The following KHDRBS3 variants were observed in gnomAD, a reference collection of about 807,000 sequenced individuals.
KHDRBS3 encodes the protein KH domain-containing, RNA-binding, signal transduction-associated protein 3.
In KHDRBS3, 23 loss-of-function variants were observed where a neutral mutation model predicts 45.6. The ratio of observed to expected loss-of-function variants is 0.50; its 90% confidence interval spans 0.36 to 0.72. The LOEUF (loss-of-function observed/expected upper bound fraction) is 0.72, where lower values mean the gene tolerates loss of function less well. Ranked by LOEUF, KHDRBS3 falls within the 30% of genes least tolerant of loss-of-function variation. The pLI, the probability that KHDRBS3 is intolerant of heterozygous loss-of-function variation, is 0.00. For synonymous variants in KHDRBS3, 162 were observed against 156.5 expected, an observed-to-expected ratio of 1.04 and a Z score of -0.26; for missense variants, 352 against 424.8, an observed-to-expected ratio of 0.83 and a Z score of 1.51.
chr8:135,515,402 A>AAAAAAAAAATTCCTTGT (rs1824537754), intron 1 of KHDRBS3, among the ~76,000 whole-genome samples: 1 of 113,858 alleles, frequency 8.8e-6, no homozygotes. Flanking sequence ...AAAAAAAAAA[A>AAAAAAAAAATTCCTTGT]GATTCCCTGT....
At position 135,582,060 on chromosome 8, in the gene KHDRBS3, C is replaced by T. The variant is rs199983279; in HGVS notation, c.794C>T (p.Thr265Ile). The T allele has an allele frequency of 1.2e-5, 18 of 1,562,050 alleles. No individual in the cohort carries two copies. The highest frequency in any genetic ancestry group is 1.6e-5 in the Non-Finnish European group (18 of 1,149,110). ...RPPPPPPTQETYGEYDYDDGY... is the reference protein window; with the variant it reads ...RPPPPPPTQEIYGEYDYDDGY... ...CCACCGCCACCCCCGACACAAGAGA[C>T]TTATGGAGAATATGTAAGTGAAGGT... is the stretch of plus-strand genomic sequence containing the variant. The change falls in exon 6 of 9, where the codon ACT becomes ATT. Residue 265 changes from threonine (T) to isoleucine (I), a missense_variant. Coordinates refer to ENST00000355849, the MANE Select transcript of KHDRBS3 (RefSeq NM_006558.3).
At chr8:135,512,970 T>C (rs1347529665) in intron 1 of KHDRBS3, among the ~76,000 whole-genome samples, 1 of 152,032 alleles carries the variant, frequency 6.6e-6, no homozygotes, top group Non-Finnish European at 1.5e-5. Context: ...CCCAGCACTT[T>C]GGGAGGCCGA....
intron 7 of KHDRBS3, among the ~76,000 whole-genome samples, chr8:135,635,316 T>C (rs1321545353): frequency 6.6e-6 from 1 of 152,236 alleles, no homozygotes; most frequent in Non-Finnish European, 1.5e-5. Context: ...AGCAGCCCTT[T>C]CAAATAATAG....
chr8:135,482,642 C>T (rs935066328), intron 1 of KHDRBS3, among the ~76,000 whole-genome samples: 6 of 152,002 alleles, frequency 3.9e-5, no homozygotes, highest in African/African-American at 1.5e-4. Flanking sequence ...TGAGAGGTGG[C>T]ATTAGAGACT....
At chr8:135,513,499 C>G (rs1824413508) in intron 1 of KHDRBS3, among the ~76,000 whole-genome samples, 1 of 152,060 alleles carries the variant, frequency 6.6e-6, no homozygotes, top group African/African-American at 2.4e-5. Context: ...TAATTAAGTA[C>G]CATAGCAGGG....
chr8:135,583,905 G>A (rs972726592), intron 6 of KHDRBS3, among the ~76,000 whole-genome samples: 17 of 152,102 alleles, frequency 1.1e-4, no homozygotes, highest in Non-Finnish European at 2.9e-5. Context: ...AGACATTTGG[G>A]TTTGCTGCTT....
intron 1 of KHDRBS3, among the ~76,000 whole-genome samples, chr8:135,517,091 T>G (rs1824648760): frequency 6.6e-6 from 1 of 152,114 alleles, no homozygotes; most frequent in Non-Finnish European, 1.5e-5. Context: ...CAAAAAACAA[T>G]ACAGATATTA....
intron 6 of KHDRBS3, among the ~76,000 whole-genome samples, chr8:135,589,724 A>G (rs1184332119): frequency 6.6e-6 from 1 of 152,196 alleles, no homozygotes; most frequent in African/African-American, 2.4e-5. Flanking sequence ...TTAGGGAATG[A>G]ACTATGTCTT....
intron 6 of KHDRBS3, among the ~76,000 whole-genome samples, chr8:135,600,923 A>G (rs1470506085): frequency 1.3e-5 from 2 of 152,170 alleles, no homozygotes; most frequent in Non-Finnish European, 2.9e-5. Flanking sequence ...CTGGGTCTCA[A>G]ACTCCTGGGC....
intron 8 of KHDRBS3, 24 bp downstream of exon 8, chr8:135,645,141 G>A: frequency 6.2e-7 from 1 of 1,612,082 alleles, no homozygotes; most frequent in Non-Finnish European, 8.5e-7. Flanking sequence ...CAGAGCATGT[G>A]AAGAGAGGGA....
intron 5 of KHDRBS3, among the ~76,000 whole-genome samples, chr8:135,557,863 A>G (rs530966003): frequency 1.3e-5 from 2 of 152,274 alleles, no homozygotes; most frequent in East Asian, 1.9e-4. Flanking sequence ...TTTTAAGCCT[A>G]TGGTCAAACA....
chr8:135,573,754 T>G (rs948859910), intron 5 of KHDRBS3, among the ~76,000 whole-genome samples: 2 of 152,210 alleles, frequency 1.3e-5, no homozygotes, highest in African/African-American at 4.8e-5. Context: ...TATTTGTTCA[T>G]TCAAAGCATT....
chr8:135,497,463 C>T (rs559901626), intron 1 of KHDRBS3, among the ~76,000 whole-genome samples: 8 of 152,190 alleles, frequency 5.3e-5, no homozygotes, highest in Admixed American at 5.2e-4. Flanking sequence ...TGTTTCTTTT[C>T]TGCATGAATT....
At chr8:135,591,104 G>C (rs372169657) in intron 6 of KHDRBS3, among the ~76,000 whole-genome samples, 1 of 152,140 alleles carries the variant, frequency 6.6e-6, no homozygotes, top group Admixed American at 6.5e-5. Context: ...CTGAGGCTTG[G>C]TAGTGCCTAC....
At position 135,629,817 on chromosome 8, in the gene KHDRBS3, G is replaced by A. The variant is rs1188795209; in HGVS notation, c.891-15242G>A. Among the ~76,000 whole-genome samples the A allele has an allele frequency of 3.9e-5, 6 of 152,316 alleles. No homozygotes were observed. In the East Asian group the frequency reaches 9.6e-4, roughly 24 times the overall value. On this transcript the variant is annotated intron_variant, in intron 7 of 8. Transcript: ENST00000355849. ...TTCTATGTCTGAGCTTGAATACTTCGCCTGATAGGAGAGCAAATGCTCCAA... is the reference window on the plus strand; with the variant it reads ...TTCTATGTCTGAGCTTGAATACTTCACCTGATAGGAGAGCAAATGCTCCAA...
At chr8:135,521,214 T>G in intron 1 of KHDRBS3, 23 bp from the exon 2 acceptor site, 1 of 1,436,734 alleles carries the variant, frequency 7.0e-7, no homozygotes, top group Non-Finnish European at 9.8e-7. Flanking sequence ...ATACACTTCA[T>G]GGTTATCTTT....
intron 5 of KHDRBS3, among the ~76,000 whole-genome samples, chr8:135,557,970 A>G (rs1358192196): frequency 4.6e-5 from 7 of 152,198 alleles, no homozygotes; most frequent in Non-Finnish European, 4.4e-5. Context: ...CTAGGTGAAT[A>G]TTATTATTCA....
intron 5 of KHDRBS3, among the ~76,000 whole-genome samples, chr8:135,572,867 C>T (rs1827771090): frequency 6.6e-6 from 1 of 152,204 alleles, no homozygotes; most frequent in African/African-American, 2.4e-5. Flanking sequence ...TTTTGTCAGC[C>T]TTCTCATTTG....
At chr8:135,461,205 C>T (rs769809735) in intron 1 of KHDRBS3, among the ~76,000 whole-genome samples, 5 of 152,092 alleles carry the variant, frequency 3.3e-5, no homozygotes, top group Non-Finnish European at 2.9e-5. Flanking sequence ...TCTGGGTTTG[C>T]GCGATTCTCC....
Sources: gnomAD v4.1 joint callset for allele counts (sites outside exome capture counted in the v4.1 genomes callset) on GRCh38, gnomAD v4.1.1 for gene constraint, MANE v1.5 for transcripts, NCBI Gene and HGNC (gene_info 2026-07-23, HGNC 2026-07-21) for gene names.